Variants in GRID1 observed in about 807,000 individuals in gnomAD.
GRID1 encodes glutamate ionotropic receptor delta type subunit 1.
In GRID1, 28 loss-of-function variants were observed where a neutral mutation model predicts 98.0. That is an observed-to-expected ratio of 0.29 (90% confidence interval 0.21 to 0.39). The LOEUF (loss-of-function observed/expected upper bound fraction) is 0.39, where lower values mean the gene tolerates loss of function less well. GRID1 is among the 10% of genes least tolerant of loss of function. The probability of loss-of-function intolerance (pLI) is 1.00; values close to 1 mark genes in which losing one functional copy is unlikely to be tolerated. For synonymous variants in GRID1, 553 were observed against 538.5 expected, an observed-to-expected ratio of 1.03 and a Z score of -0.37; for missense variants, 1,111 against 1,340.5, an observed-to-expected ratio of 0.83 and a Z score of 2.67.
chr10:85,736,114 G>A (rs183926007), intron 8 of GRID1, among the ~76,000 whole-genome samples: 582 of 133,500 alleles, frequency 4.4e-3, no homozygotes, highest in Non-Finnish European at 7.5e-3. Flanking sequence ...AGGAAGGAAC[G>A]AAGGAGGGAG....
chr10:85,825,055 T>A (rs922630127), intron 8 of GRID1, among the ~76,000 whole-genome samples: 1 of 152,188 alleles, frequency 6.6e-6, no homozygotes, highest in Non-Finnish European at 1.5e-5. Flanking sequence ...GGAAAAAAAA[T>A]CCAGACATGG....
chr10:85,894,164 G>C (rs1314470300), intron 5 of GRID1, among the ~76,000 whole-genome samples: 1 of 152,058 alleles, frequency 6.6e-6, no homozygotes, highest in African/African-American at 2.4e-5. Flanking sequence ...TCCAAGAATA[G>C]ATACACATAC....
chr10:86,042,103 G>A (rs1843354618), intron 4 of GRID1, among the ~76,000 whole-genome samples: 1 of 152,190 alleles, frequency 6.6e-6, no homozygotes, highest in Admixed American at 6.5e-5. Flanking sequence ...GCCATGCAAG[G>A]GGGAAACTGG....
At chr10:85,755,116 C>T (rs750441265) in intron 8 of GRID1, among the ~76,000 whole-genome samples, 6 of 152,044 alleles carry the variant, frequency 3.9e-5, no homozygotes, top group African/African-American at 9.7e-5. Flanking sequence ...CTGTTTTGGC[C>T]GGCCCTTTTT....
chr10:86,012,516 C>T (rs1842933113), intron 4 of GRID1, among the ~76,000 whole-genome samples: 1 of 152,164 alleles, frequency 6.6e-6, no homozygotes, highest in African/African-American at 2.4e-5. Flanking sequence ...AATTAAGTAT[C>T]ATGAATACTT....
intron 2 of GRID1, among the ~76,000 whole-genome samples, chr10:86,219,857 T>C (rs1019177636): frequency 1.4e-4 from 21 of 152,106 alleles, no homozygotes; most frequent in African/African-American, 5.1e-4. Flanking sequence ...ACAAACTAAC[T>C]CTGTCCAGCC....
intron 4 of GRID1, among the ~76,000 whole-genome samples, chr10:86,074,976 T>C (rs978619374): frequency 6.6e-6 from 1 of 152,208 alleles, no homozygotes; most frequent in African/African-American, 2.4e-5. Flanking sequence ...AGTGTGGGAA[T>C]GAGCCACTGA....
intron 8 of GRID1, among the ~76,000 whole-genome samples, chr10:85,754,657 C>G (rs1245005818): frequency 6.6e-6 from 1 of 152,200 alleles, no homozygotes; most frequent in Non-Finnish European, 1.5e-5. Context: ...CTCAGAGATA[C>G]TCTTTTCCCC....
At chr10:86,248,382 G>A (rs577591532) in intron 2 of GRID1, among the ~76,000 whole-genome samples, 7 of 152,230 alleles carry the variant, frequency 4.6e-5, no homozygotes, top group South Asian at 4.1e-4. Flanking sequence ...GAGGGAGGGC[G>A]GAGGGATTGC....
At chr10:86,092,651 T>C (rs1404942682) in intron 4 of GRID1, among the ~76,000 whole-genome samples, 2 of 152,188 alleles carry the variant, frequency 1.3e-5, no homozygotes, top group Non-Finnish European at 2.9e-5. Flanking sequence ...GGACAGTGTA[T>C]AATGGCAAAA....
At chr10:85,621,831 T>C (rs1417597724) in intron 13 of GRID1, among the ~76,000 whole-genome samples, 1 of 152,138 alleles carries the variant, frequency 6.6e-6, no homozygotes, top group East Asian at 1.9e-4. Flanking sequence ...AGATAGACAT[T>C]TTCAACCTCT....
At chr10:85,830,012 G>A (rs1842853801) in intron 8 of GRID1, among the ~76,000 whole-genome samples, 1 of 152,074 alleles carries the variant, frequency 6.6e-6, no homozygotes, top group Admixed American at 6.6e-5. Flanking sequence ...GCAATCCTAA[G>A]CAAAAAGAAC....
chr10:85,995,044 T>G (rs1842724325), intron 4 of GRID1, among the ~76,000 whole-genome samples: 1 of 152,214 alleles, frequency 6.6e-6, no homozygotes, highest in African/African-American at 2.4e-5. Context: ...TTATGTTCTT[T>G]CCATTTATTT....
At chr10:85,793,243 G>A (rs1031171003) in intron 8 of GRID1, among the ~76,000 whole-genome samples, 1 of 152,160 alleles carries the variant, frequency 6.6e-6, no homozygotes, top group Non-Finnish European at 1.5e-5. Flanking sequence ...GTGGCATCCT[G>A]CAGGGACTCT....
intron 13 of GRID1, among the ~76,000 whole-genome samples, chr10:85,624,432 G>C (rs10788460): frequency 0.65 from 98,313 of 152,078 alleles, 32,630 homozygotes; most frequent in African/African-American, 0.81. Flanking sequence ...TCCAAGCCTT[G>C]AGCTGTCTGC....
intron 12 of GRID1, among the ~76,000 whole-genome samples, chr10:85,670,908 C>G (rs1320361903): frequency 6.6e-6 from 1 of 152,172 alleles, no homozygotes; most frequent in Non-Finnish European, 1.5e-5. Flanking sequence ...GGCCTTCTTA[C>G]TTGCATAGGG....
chr10:86,165,651 G>A (rs1333539010), intron 3 of GRID1, among the ~76,000 whole-genome samples: 2 of 152,196 alleles, frequency 1.3e-5, no homozygotes, highest in Non-Finnish European at 2.9e-5. Context: ...TAAAGACTGG[G>A]CCTGGGGTTC....
chr10:85,975,915 AT>A (rs1842466461), intron 4 of GRID1, among the ~76,000 whole-genome samples: 1 of 152,162 alleles, frequency 6.6e-6, no homozygotes, highest in African/African-American at 2.4e-5. Flanking sequence ...TTTCCTTATT[AT>A]TCTTCCAAAA....
chr10:86,090,573 G>T (rs1266591622), intron 4 of GRID1, among the ~76,000 whole-genome samples: 1 of 151,950 alleles, frequency 6.6e-6, no homozygotes, highest in Non-Finnish European at 1.5e-5. Context: ...AGTCCTGGAA[G>T]GAAAGGAGAA....
Sources: gnomAD v4.1 joint callset for allele counts (sites outside exome capture counted in the v4.1 genomes callset) on GRCh38, gnomAD v4.1.1 for gene constraint, MANE v1.5 for transcripts, NCBI Gene and HGNC (gene_info 2026-07-23, HGNC 2026-07-21) for gene names.